Variants in TDP1 observed in about 807,000 individuals in gnomAD.
TDP1 encodes tyrosyl-DNA phosphodiesterase 1.
TDP1 carries 64 observed loss-of-function variants against 81.5 expected under a neutral mutation model. That is an observed-to-expected ratio of 0.79 (90% CI 0.64 to 0.97). The LOEUF (loss-of-function observed/expected upper bound fraction) is 0.97, where lower values mean the gene tolerates loss of function less well. Ranked by LOEUF, TDP1 falls within the 50% of genes least tolerant of loss-of-function variation. The pLI is 0.00. For missense variants in TDP1, 723 were observed against 743.8 expected, an observed-to-expected ratio of 0.97 and a Z score of 0.33; for synonymous variants, 256 against 264.3, an observed-to-expected ratio of 0.97 and a Z score of 0.30.
intron 8 of TDP1, 164 bp downstream of exon 8, chr14:89,980,796 C>T (rs1894889661): frequency 3.1e-6 from 2 of 650,736 alleles, no homozygotes; most frequent in Non-Finnish European, 5.4e-6. Context: ...TATTCTTTTA[C>T]TACCTGCCCC....
intron 6 of TDP1, 200 bp from the exon 7 acceptor site, chr14:89,975,581 G>GTTTT (rs35133244): frequency 3.4e-4 from 92 of 269,068 alleles, no homozygotes; most frequent in Middle Eastern, 3.8e-3. Context: ...CAAAATTTGT[G>GTTTT]TTTTTTTTTT....
chr14:90,021,418 A>T (rs1372980821), intron 15 of TDP1, among the ~76,000 whole-genome samples: 1 of 152,204 alleles, frequency 6.6e-6, no homozygotes, highest in African/African-American at 2.4e-5. Context: ...TAAATTCCAC[A>T]TCACTCCTGT....
intron 8 of TDP1, 161 bp from the exon 9 acceptor site, chr14:89,984,355 G>A (rs1950318931): frequency 1.0e-6 from 1 of 985,240 alleles, no homozygotes; most frequent in Admixed American, 6.1e-5. Flanking sequence ...AGAAACCATT[G>A]GAGTGGTGTT....
At chr14:89,981,757 C>A (rs1894999976) in intron 8 of TDP1, among the ~76,000 whole-genome samples, 1 of 152,082 alleles carries the variant, frequency 6.6e-6, no homozygotes, top group Non-Finnish European at 1.5e-5. Flanking sequence ...GCGATCACGG[C>A]TCACTTTAAC....
At chr14:89,966,326 C>G in intron 4 of TDP1, 136 bp downstream of exon 4, 1 of 714,032 alleles carries the variant, frequency 1.4e-6, no homozygotes, top group Non-Finnish European at 2.6e-6. Context: ...TACCTGGAGG[C>G]TGGCTCAAGT....
chr14:89,991,926 C>A lies in TDP1; in HGVS notation c.1376C>A (p.Ser459Tyr). The A allele has an allele frequency of 1.2e-6, 2 of 1,609,106 alleles. No homozygotes were observed. The highest frequency in any genetic ancestry group is 1.7e-6 in the Non-Finnish European group (2 of 1,178,464). Residue 459 changes from serine (S) to tyrosine (Y), a missense_variant, in exon 13 of 17, where the codon TCT becomes TAT. Physicochemically the swap from Ser to Tyr is moderately radical, Grantham distance 144. Transcript: ENST00000335725. ...TSLEGYPAGG[S>Y]LPYSIQTAEK... is the part of the protein sequence containing the mutation. ...ATTTTTCTTTTAAAAGCTGGGGGCT[C>A]TCTTCCCTATAGCATCCAGACAGCT... is the stretch of plus-strand genomic sequence containing the variant.
At chr14:90,023,124 T>C in intron 15 of TDP1, 1 of 747,310 alleles carries the variant, frequency 1.3e-6, no homozygotes, top group Non-Finnish European at 2.4e-6. Flanking sequence ...GATTACAATA[T>C]ATGACAACAA....
intron 3 of TDP1, chr14:89,965,745 AT>A: frequency 3.0e-6 from 3 of 984,544 alleles, no homozygotes; most frequent in Non-Finnish European, 3.6e-6. Flanking sequence ...GTCCACATTT[AT>A]AAAATCTTTC....
Position 90,033,190 on chromosome 14 carries a change from C to T in TDP1, c.1729C>T (p.Pro577Ser). The T allele has an allele frequency of 6.2e-7, 1 of 1,608,576 alleles. No individual in the cohort carries two copies. The change falls in exon 16 of 17, where the codon CCT (proline) becomes TCT (serine). Residue 577 changes from proline (P) to serine (S), a missense_variant. Transcript: ENST00000335725. ...MATFPVPYDL[P>S]PELYGSKDRP... Reference sequence around the variant, plus strand: ...CACCTTTCCTGTGCCATATGATTTGCCTCCAGAACTGTATGGAAGTAAAGG... The same window carrying T: ...CACCTTTCCTGTGCCATATGATTTGTCTCCAGAACTGTATGGAAGTAAAGG...
intron 10 of TDP1, among the ~76,000 whole-genome samples, chr14:89,988,191 C>T (rs1895782953): frequency 6.6e-6 from 1 of 152,216 alleles, no homozygotes. Flanking sequence ...CACTGTCCAG[C>T]AGCCCGCAGG....
chr14:89,999,259 T>G (rs1254028599), intron 14 of TDP1, among the ~76,000 whole-genome samples: 2 of 152,222 alleles, frequency 1.3e-5, no homozygotes, highest in Admixed American at 6.5e-5. Context: ...TGGTGGACAA[T>G]ATCATCATCC....
chr14:89,964,823 T>TA (rs752168088), intron 3 of TDP1: 3 of 432,954 alleles, frequency 6.9e-6, no homozygotes, highest in South Asian at 5.0e-5. Context: ...TAGGAGCTCT[T>TA]ACATATATTT....
intron 3 of TDP1, chr14:89,964,970 GT>G (rs1157557070): frequency 8.2e-6 from 3 of 364,714 alleles, no homozygotes; most frequent in Non-Finnish European, 1.6e-5. Flanking sequence ...AATCCATGCT[GT>G]TTGCTATAGC....
intron 16 of TDP1, 176 bp from the exon 17 acceptor site, chr14:90,042,894 A>G: frequency 5.1e-6 from 5 of 985,386 alleles, no homozygotes; most frequent in Non-Finnish European, 6.0e-6. Flanking sequence ...TAGTGTCCTA[A>G]TAGGAGCCTT....
intron 8 of TDP1, chr14:89,983,157 C>G (rs1405425217): frequency 2.2e-6 from 1 of 455,984 alleles, no homozygotes; most frequent in Non-Finnish European, 4.4e-6. Flanking sequence ...GAGCCTCACT[C>G]AGCCTGGGAA....
intron 14 of TDP1, among the ~76,000 whole-genome samples, chr14:90,003,501 A>G (rs527730700): frequency 6.6e-6 from 1 of 152,342 alleles, no homozygotes; most frequent in South Asian, 2.1e-4. Flanking sequence ...TAGGGAAATT[A>G]TTGGGACATG....
chr14:89,963,768 A>G, intron 3 of TDP1, 95 bp downstream of exon 3: 2 of 1,433,402 alleles, frequency 1.4e-6, no homozygotes, highest in Non-Finnish European at 1.9e-6. Flanking sequence ...GTTTCTGAGA[A>G]CTCTTCTTTG....
intron 11 of TDP1, 62 bp from the exon 12 acceptor site, chr14:89,989,655 T>C: frequency 2.2e-6 from 3 of 1,334,382 alleles, no homozygotes; most frequent in Non-Finnish European, 3.2e-6. Flanking sequence ...TAAAAGCTGA[T>C]TATCATTCCT....
chr14:90,032,787 A>G, intron 15 of TDP1: 1 of 984,954 alleles, frequency 1.0e-6, no homozygotes, highest in Non-Finnish European at 1.2e-6. Context: ...ACTCCCTGCA[A>G]ACTGTACATA....
Sources: allele counts gnomAD v4.1 joint callset (sites outside exome capture counted in the v4.1 genomes callset), GRCh38; gene constraint gnomAD v4.1.1; transcripts MANE v1.5; gene names NCBI Gene and HGNC (gene_info 2026-07-23, HGNC 2026-07-21).